The following ESRRG variants were observed in gnomAD, a reference collection of about 807,000 sequenced individuals.
ESRRG encodes the protein estrogen-related receptor gamma.
ESRRG carries 13 observed loss-of-function variants against 44.0 expected under a neutral mutation model. The observed-to-expected ratio is 0.30, with a 90% confidence interval of 0.19 to 0.47. The LOEUF is 0.47. Ranked by LOEUF, ESRRG falls within the 20% of genes least tolerant of loss-of-function variation. ESRRG has a pLI of 1.00. For synonymous variants in ESRRG, 215 were observed against 214.6 expected (o/e 1.00, Z -0.02); for missense variants, 395 against 580.6 (o/e 0.68, Z 3.29).
Position 216,677,337 on chromosome 1 carries a change from T to C in ESRRG, c.211A>G (p.Thr71Ala), listed in dbSNP as rs1381146333. 1 of 1,614,142 alleles carries C rather than the reference T, an allele frequency of 6.2e-7. No individual in the cohort carries two copies. The highest frequency in any genetic ancestry group is 8.5e-7 in the Non-Finnish European group (1 of 1,180,020). The change falls in exon 2 of 7, where the codon ACC (threonine) becomes GCC (alanine). Residue 71 changes from threonine to alanine, a missense_variant. Physicochemically the swap from Thr to Ala is moderately conservative, Grantham distance 58 (BLOSUM62 0). This residue lies in a region of ESRRG where 148 missense variants were observed against 150.4 expected (regional missense o/e 0.98). Coordinates refer to ENST00000408911, the MANE Select transcript of ESRRG (RefSeq NM_001438.4). ...SSDASGSYSS[T>A]MNGHQNGLDS... ...AGTCCGTTCTGATGGCCATTCATGG[T>C]TGAACTGTAGCTCCCACTGGCGTCT...
At chr1:216,865,388 A>C (rs982982194) in intron 2 of ESRRG, among the ~76,000 whole-genome samples, 2 of 151,996 alleles carry the variant, frequency 1.3e-5, no homozygotes, top group Admixed American at 6.6e-5. Flanking sequence ...CAGGTAGTTA[A>C]GCCTTAAAAA....
chr1:216,740,911 T>TA lies in ESRRG; in HGVS notation c.-13-63421_-13-63420insT, dbSNP rs79632461. Among the ~76,000 whole-genome samples the TA allele has an allele frequency of 7.8e-3, 1,183 of 151,594 alleles. 6 individuals are homozygous for TA. The highest frequency in any genetic ancestry group is 0.012 in the Non-Finnish European group (842 of 67,878). On this transcript the variant is annotated intron_variant, in intron 2 of 7. Coordinates refer to the ESRRG transcript ENST00000359162. ...ATCAAAATGGGATTATATATACATA[T>TA]TGACATTCTTTCATTTTTCCACCTT... is the stretch of plus-strand genomic sequence containing the variant.
intron 2 of ESRRG, among the ~76,000 whole-genome samples, chr1:216,907,029 T>C (rs138139056): frequency 6.6e-6 from 1 of 152,120 alleles, no homozygotes; most frequent in Non-Finnish European, 1.5e-5. Context: ...GTGCATTAAT[T>C]TGGAACACTG....
Position 216,928,882 on chromosome 1 carries a change from G to A in ESRRG, c.-14+10700C>T, listed in dbSNP as rs569776337. Among the ~76,000 whole-genome samples the A allele has an allele frequency of 1.5e-3, 231 of 152,246 alleles. 1 individual carries two copies. The highest frequency in any genetic ancestry group is 3.5e-4 in the Non-Finnish European group (24 of 68,008). On this transcript the variant is annotated intron_variant, in intron 2 of 7. Coordinates refer to the ESRRG transcript ENST00000359162. ...AAGGACAAACATTGTATGATTTTACGTATTTGAGGCACCCAGAGTAGTCAA... is the reference window on the plus strand; with the variant it reads ...AAGGACAAACATTGTATGATTTTACATATTTGAGGCACCCAGAGTAGTCAA...
intron 5 of ESRRG, among the ~76,000 whole-genome samples, chr1:216,534,181 C>G (rs2050218068): frequency 6.6e-6 from 1 of 152,146 alleles, no homozygotes; most frequent in Non-Finnish European, 1.5e-5. Context: ...AAGGCCACCT[C>G]CTGTGCTTCT....
At chr1:216,737,880 G>GA in intron 2 of ESRRG, among the ~76,000 whole-genome samples, 1 of 151,678 alleles carries the variant, frequency 6.6e-6, no homozygotes, top group Non-Finnish European at 1.5e-5. Context: ...GCAAGTATAA[G>GA]AAAATATTCG....
intron 1 of ESRRG, among the ~76,000 whole-genome samples, chr1:217,094,920 T>A (rs1251732646): frequency 6.6e-6 from 1 of 152,206 alleles, no homozygotes; most frequent in Non-Finnish European, 1.5e-5. Flanking sequence ...GCCTCTGACA[T>A]GAAAACAGTT....
At chr1:217,051,205 G>GGGGA (rs1553259203) in intron 1 of ESRRG, among the ~76,000 whole-genome samples, 1 of 44,920 alleles carries the variant, frequency 2.2e-5, no homozygotes, top group African/African-American at 6.9e-5. Context: ...TAATGGGGGC[G>GGGGA]GGGGGGGGGG....
At position 217,017,121 on chromosome 1, in the gene ESRRG, A is replaced by C. The variant is rs111674527; in HGVS notation, c.-106+72386T>G. On this transcript the variant is annotated intron_variant, in intron 1 of 7. Transcript: ENST00000359162. ...GCTCTGCTATGATATACAAGTAAAA[A>C]GCTTCTTATTTTAGAACTGTAGACA... is the stretch of plus-strand genomic sequence containing the variant. 7.9e-3 allele frequency among the ~76,000 whole-genome samples: 1,200 copies of C among 152,278 alleles called. 16 individuals carry two copies. The highest frequency in any genetic ancestry group is 0.026 in the African/African-American group (1,101 of 41,550).
intron 2 of ESRRG, among the ~76,000 whole-genome samples, chr1:216,870,317 C>A (rs764854386): frequency 6.7e-6 from 1 of 150,214 alleles, no homozygotes; most frequent in African/African-American, 2.4e-5. Context: ...GCCTTGCAAT[C>A]CTGGTTTACA....
intron 6 of ESRRG, among the ~76,000 whole-genome samples, chr1:216,513,095 C>T (rs1287693281): frequency 6.6e-6 from 1 of 152,078 alleles, no homozygotes; most frequent in Non-Finnish European, 1.5e-5. Context: ...AAATATGTGT[C>T]ATTTAAAGCC....
chr1:216,997,922 G>T lies in ESRRG; in HGVS notation c.-105-58249C>A, dbSNP rs2076568969. The stretch of plus-strand genomic sequence containing the variant: ...AGTTTGCATGGCTAAATCGCTTTCA[G>T]CAATTTCTGTAAAAATGTACAAACA... On this transcript the variant is annotated intron_variant, in intron 1 of 7. Coordinates refer to the ESRRG transcript ENST00000359162. Among the ~76,000 whole-genome samples, 3 of 152,162 alleles carry T rather than the reference G, an allele frequency of 2.0e-5. No homozygotes were observed. The South Asian group carries it at 6.2e-4, about 31-fold the overall frequency.
intron 2 of ESRRG, among the ~76,000 whole-genome samples, chr1:216,763,137 G>A (rs2092887574): frequency 6.6e-6 from 1 of 152,110 alleles, no homozygotes; most frequent in African/African-American, 2.4e-5. Context: ...TGGCATTGAT[G>A]TGAGAAAATC....
At chr1:217,018,747 C>CA (rs894840090) in intron 1 of ESRRG, among the ~76,000 whole-genome samples, 16 of 151,572 alleles carry the variant, frequency 1.1e-4, no homozygotes, top group African/African-American at 3.1e-4. Context: ...TCCATCCTCT[C>CA]AAAAAAAAAT....
At chr1:216,664,105 T>G (rs1322909410) in intron 2 of ESRRG, among the ~76,000 whole-genome samples, 3 of 152,184 alleles carry the variant, frequency 2.0e-5, no homozygotes, top group African/African-American at 7.2e-5. Flanking sequence ...CATTTTTATT[T>G]TAATAACTTA....
rs556869358 is a variant in ESRRG at position 216,910,712 on chromosome 1, C to T, written c.-14+28870G>A. 2.0e-5 allele frequency among the ~76,000 whole-genome samples: 3 copies of T among 152,312 alleles called. No individual in the cohort carries two copies. The South Asian group carries it at 6.2e-4, about 32-fold the overall frequency. On this transcript the variant is annotated intron_variant, in intron 2 of 7. Coordinates refer to the ESRRG transcript ENST00000359162. ...TTACGATGAGGGGCATGGCATTATA[C>T]ATCACTGACTATATGGAGACTCTAT...
At chr1:216,841,297 C>T (rs959318972) in intron 2 of ESRRG, among the ~76,000 whole-genome samples, 4 of 152,008 alleles carry the variant, frequency 2.6e-5, no homozygotes, top group African/African-American at 9.7e-5. Context: ...GCCTCTCCAC[C>T]CCGCAGGCCT....
intron 1 of ESRRG, among the ~76,000 whole-genome samples, chr1:216,944,573 G>A (rs186063153): frequency 2.0e-4 from 30 of 152,144 alleles, no homozygotes; most frequent in African/African-American, 7.2e-4. Context: ...TTTCCCTGGA[G>A]AATGAAAGAA....
intron 2 of ESRRG, among the ~76,000 whole-genome samples, chr1:216,884,424 A>T (rs746827408): frequency 6.6e-6 from 1 of 152,202 alleles, no homozygotes; most frequent in Non-Finnish European, 1.5e-5. Flanking sequence ...AGCTACTGAT[A>T]ACATTATCTT....
Sources: gnomAD v4.1 joint callset for allele counts (sites outside exome capture counted in the v4.1 genomes callset) on GRCh38, gnomAD v4.1.1 for gene constraint, gnomAD v4.1.1 regional missense constraint, MANE v1.5 for transcripts, NCBI Gene and HGNC (gene_info 2026-07-23, HGNC 2026-07-21) for gene names.